CSK: variants seen among roughly 807,000 people sequenced by gnomAD.
The protein encoded by CSK is tyrosine-protein kinase CSK.
A neutral mutation model predicts 62.3 loss-of-function variants in CSK; 7 were observed. The ratio of observed to expected loss-of-function variants is 0.11; its 90% CI spans 0.06 to 0.21. The LOEUF (loss-of-function observed/expected upper bound fraction) is 0.21, where lower values mean the gene tolerates loss of function less well. Among genes scored for constraint, CSK ranks in the 10% least tolerant of loss-of-function variants. The pLI is 1.00. For missense variants in CSK, 294 were observed against 613.5 expected, an observed-to-expected ratio of 0.48 and a Z score of 5.50; for synonymous variants, 237 against 246.0, an observed-to-expected ratio of 0.96 and a Z score of 0.34.
In CSK at chr15:74,800,744, G is replaced by C; in HGVS notation, c.620G>C (p.Gly207Ala). Reference sequence around the variant, plus strand: ...CAGACCATCGGGAAGGGGGAGTTCGGAGGTGAGCTGGGCCGGGCCCCCTGG... The same window carrying C: ...CAGACCATCGGGAAGGGGGAGTTCGCAGGTGAGCTGGGCCGGGCCCCCTGG... ...LLQTIGKGEF[G>A]DVMLGDYRGN... is the part of the protein sequence containing the mutation. The change falls in exon 7 of 13, where the codon GGA becomes GCA. Residue 207 changes from glycine (G) to alanine (A), a missense_variant and splice_region_variant. Around this residue, in one of 3 missense-constraint regions of CSK, gnomAD observed 202 missense variants for 415.7 expected, o/e 0.49. Coordinates refer to ENST00000220003, the MANE Select transcript of CSK (RefSeq NM_004383.3). The C allele has an allele frequency of 6.3e-7, 1 of 1,576,332 alleles. No individual in the cohort carries two copies. The highest frequency in any genetic ancestry group is 1.3e-5 in the African/African-American group (1 of 74,130).
At chr15:74,789,316 A>G (rs994003663) in intron 1 of CSK, among the ~76,000 whole-genome samples, 1 of 152,160 alleles carries the variant, frequency 6.6e-6, no homozygotes, top group African/African-American at 2.4e-5. Flanking sequence ...CTGGCGCCCA[A>G]TTCTGCTGCT....
At chr15:74,796,537 T>G (rs1270164973) in intron 1 of CSK, among the ~76,000 whole-genome samples, 1 of 149,268 alleles carries the variant, frequency 6.7e-6, no homozygotes, top group Non-Finnish European at 1.5e-5. Context: ...GAGGCTGCTG[T>G]GAGCTATGAT....
intron 1 of CSK, among the ~76,000 whole-genome samples, chr15:74,796,705 G>C (rs775098275): frequency 6.6e-6 from 1 of 152,038 alleles, no homozygotes; most frequent in Non-Finnish European, 1.5e-5. Flanking sequence ...TGTGCCGATC[G>C]CAATGGTACA....
rs537976680 is a variant in CSK, at chr15:74,785,212, C to T, written c.-66+2492C>T. Among the ~76,000 whole-genome samples the T allele has an allele frequency of 3.9e-4, 59 of 152,246 alleles. 2 individuals carry two copies. The South Asian group carries it at 0.011, about 28-fold the overall frequency. ...GTCGTTGTCACTGGAGTGTGTGTGC[C>T]GTGACACCTTTTTTCATTTAATACT... is the stretch of plus-strand genomic sequence containing the variant. On this transcript the variant is annotated intron_variant, in intron 1 of 12. Transcript: ENST00000220003.
At chr15:74,796,979 C>A (rs914002295) in intron 1 of CSK, among the ~76,000 whole-genome samples, 5 of 152,086 alleles carry the variant, frequency 3.3e-5, no homozygotes, top group Admixed American at 2.0e-4. Flanking sequence ...CTCACTCTGT[C>A]GCCCAGGCTG....
At chr15:74,791,762 C>T (rs2063624104) in intron 1 of CSK, among the ~76,000 whole-genome samples, 1 of 152,188 alleles carries the variant, frequency 6.6e-6, no homozygotes, top group African/African-American at 2.4e-5. Context: ...TGTCTGATTG[C>T]TTCTCCCTGG....
chr15:74,791,699 T>C (rs1456131467), intron 1 of CSK, among the ~76,000 whole-genome samples: 1 of 152,198 alleles, frequency 6.6e-6, no homozygotes, highest in Non-Finnish European at 1.5e-5. Flanking sequence ...CCTTTTTTTG[T>C]TTTGCTCTTT....
chr15:74,799,928 C>T (rs1303563005), intron 5 of CSK, among the ~76,000 whole-genome samples: 1 of 152,214 alleles, frequency 6.6e-6, no homozygotes, highest in Admixed American at 6.5e-5. Flanking sequence ...CGCACCTGCA[C>T]GGACATGCCC....
In CSK at chr15:74,798,424, G is replaced by A. The variant is rs750688826; in HGVS notation, c.15+112G>A. 3.5e-6 allele frequency: 5 copies of A among 1,427,762 alleles called. No individual in the cohort carries two copies. 88.4% of individuals were successfully genotyped at this position (1,427,762 alleles called of 1,614,324 possible). A position where few individuals can be genotyped will look rare whatever the true frequency, so the allele number is the denominator to read the frequency against. ...GATCAACCCACTCCCCTTTTTCCCA[G>A]CACTCAGTCAGGTACAGGCCTGGGG... On this transcript the variant is annotated intron_variant, in intron 2 of 12. Coordinates refer to ENST00000220003, the MANE Select transcript of CSK (RefSeq NM_004383.3). This position sits in a 1 kb window ranked among gnomAD's most constrained non-coding sequence, Gnocchi z 6.6.
In CSK at chr15:74,798,599, G is replaced by A. The variant is rs746964297; in HGVS notation, c.16-16G>A. On this transcript the variant is annotated splice_polypyrimidine_tract_variant and intron_variant, in intron 2 of 12. Coordinates refer to ENST00000220003, the MANE Select transcript of CSK (RefSeq NM_004383.3). The surrounding 1 kb of genome is among the most constrained non-coding windows in gnomAD (Gnocchi z 6.6). ...GGGCCCAGGCTGCACCCGCCCACGTGTCACCTGCCTTGCAGGCCGCCTGGC... is the reference window on the plus strand; with the variant it reads ...GGGCCCAGGCTGCACCCGCCCACGTATCACCTGCCTTGCAGGCCGCCTGGC... The A allele has an allele frequency of 3.7e-6, 6 of 1,610,830 alleles. No homozygotes were observed. The highest frequency in any genetic ancestry group is 1.1e-5 in the South Asian group (1 of 90,954).
At position 74,783,815 on chromosome 15, in the gene CSK, C is replaced by T. The variant is rs906376496; in HGVS notation, c.-66+1095C>T. Among the ~76,000 whole-genome samples the T allele has an allele frequency of 3.3e-5, 5 of 152,344 alleles. No individual in the cohort carries two copies. In the East Asian group the frequency reaches 7.7e-4, roughly 23 times the overall value. On this transcript the variant is annotated intron_variant, in intron 1 of 12. Coordinates refer to ENST00000220003, the MANE Select transcript of CSK (RefSeq NM_004383.3). The stretch of plus-strand genomic sequence containing the variant: ...GGCCCCGGCTCTGAGTTGAAACAAC[C>T]TGGTGGTCAGTCCTGACCCAGCACT...
At chr15:74,794,520 T>C (rs912723220) in intron 1 of CSK, among the ~76,000 whole-genome samples, 1 of 152,184 alleles carries the variant, frequency 6.6e-6, no homozygotes, top group Admixed American at 6.5e-5. Context: ...GCAGGATTGA[T>C]GGCCTGGCCT....
Position 74,782,251 on chromosome 15 carries a change from C to G in CSK, c.-535C>G, listed in dbSNP as rs1056158515. On this transcript the variant is annotated 5_prime_UTR_variant, in exon 1 of 13. Coordinates refer to ENST00000220003, the MANE Select transcript of CSK (RefSeq NM_004383.3). This position sits in a 1 kb window ranked among gnomAD's most constrained non-coding sequence, Gnocchi z 5.7. ...CGGGGTGGGGTCCGAGCCGGGCGAC[C>G]GCCCGGCTGCGCCGCCGTCGGGGCC... 6.7e-6 allele frequency: 1 copy of G among 149,026 alleles called. No individual in the cohort carries two copies. The highest frequency in any genetic ancestry group is 1.5e-5 in the Non-Finnish European group (1 of 66,616). The allele number at this position is 149,026 out of a possible 1,614,324, so 9.2% of individuals were successfully genotyped here.
chr15:74,790,732 C>G (rs974395185), intron 1 of CSK: 4 of 152,260 alleles, frequency 2.6e-5, no homozygotes, highest in African/African-American at 9.6e-5. Context: ...TTCATTCATT[C>G]ATTCATTCAG....
chr15:74,794,994 G>A (rs1312512776), intron 1 of CSK, among the ~76,000 whole-genome samples: 2 of 152,192 alleles, frequency 1.3e-5, no homozygotes, highest in Non-Finnish European at 2.9e-5. Flanking sequence ...TGCTCAAGGT[G>A]GACTCTGGAA....
intron 1 of CSK, among the ~76,000 whole-genome samples, chr15:74,796,605 A>G (rs1388948298): frequency 7.2e-5 from 11 of 152,186 alleles, no homozygotes; most frequent in Non-Finnish European, 1.0e-4. Context: ...AAAAAAAAAA[A>G]AAAAGAAAAG....
rs1567219689 is a variant in CSK at position 74,801,760 on chromosome 15, G to A, written c.953G>A (p.Arg318His). 1.2e-6 allele frequency: 2 copies of A among 1,614,072 alleles called. No homozygotes were observed. The highest frequency in any genetic ancestry group is 8.5e-7 in the Non-Finnish European group (1 of 1,180,008). Residue 318 changes from arginine (R) to histidine (H), a missense_variant, in exon 11 of 13, where the codon CGC becomes CAC. Arg to His is a conservative substitution (Grantham distance 29). Around this residue, in one of 3 missense-constraint regions of CSK, gnomAD observed 26 missense variants for 98.4 expected, o/e 0.26. Transcript: ENST00000220003. ...TTCGTGCATCGAGACCTGGCTGCCC[G>A]CAATGTGCTGGTGTCTGAGGACAAC... is the stretch of plus-strand genomic sequence containing the variant. ...NNFVHRDLAA[R>H]NVLVSEDNVA...
intron 1 of CSK, chr15:74,797,938 G>T: frequency 4.7e-6 from 1 of 213,412 alleles, no homozygotes; most frequent in Non-Finnish European, 9.5e-6. Context: ...ACCAGGCCTG[G>T]GGCTGACGGT....
intron 1 of CSK, among the ~76,000 whole-genome samples, chr15:74,785,969 A>G (rs1488429686): frequency 1.4e-5 from 2 of 148,030 alleles, no homozygotes; most frequent in Non-Finnish European, 3.0e-5. Flanking sequence ...ATCAGAGCTA[A>G]ATAGACAAGG....
Sources: gnomAD v4.1 joint callset for allele counts (sites outside exome capture counted in the v4.1 genomes callset) on GRCh38, gnomAD v4.1.1 for gene constraint, gnomAD v4.1.1 regional missense constraint, Gnocchi (gnomAD v3.1) non-coding constraint, MANE v1.5 for transcripts, NCBI Gene and HGNC (gene_info 2026-07-23, HGNC 2026-07-21) for gene names.